The following TCF12 variants were observed in gnomAD, a reference collection of about 807,000 sequenced individuals.
The protein encoded by TCF12 is DNA-binding protein HTF4.
In TCF12, 45 loss-of-function variants were observed where a neutral mutation model predicts 86.0. That is an observed-to-expected ratio of 0.52 (90% CI 0.41 to 0.67). TCF12 has a LOEUF of 0.67. Among genes scored for constraint, TCF12 ranks in the 30% least tolerant of loss-of-function variants. TCF12 has a pLI of 0.00. For missense variants in TCF12, 881 were observed against 859.9 expected, an observed-to-expected ratio of 1.02 and a Z score of -0.31; for synonymous variants, 330 against 299.6, an observed-to-expected ratio of 1.10 and a Z score of -1.05.
rs553404833 is a variant in TCF12 at position 57,273,681 on chromosome 15, G to A, written c.1978+419G>A. ...TACTTTGGAGTATCTACCGTGCCCT[G>A]CTGGTTAATAGGATGCCTTGTTATC... On this transcript the variant is annotated intron_variant, in intron 19 of 20. Transcript: ENST00000333725. Among the ~76,000 whole-genome samples, 5 of 152,170 alleles carry A rather than the reference G, an allele frequency of 3.3e-5. No homozygotes were observed. The South Asian group carries it at 1.0e-3, about 32-fold the overall frequency.
intron 5 of TCF12, among the ~76,000 whole-genome samples, chr15:57,128,619 A>G (rs2051857335): frequency 2.0e-5 from 3 of 152,322 alleles, no homozygotes; most frequent in South Asian, 4.1e-4. Context: ...GAGTTGTGCA[A>G]CCATCACCAC....
intron 3 of TCF12, among the ~76,000 whole-genome samples, chr15:56,952,943 A>T (rs1186289381): frequency 6.6e-6 from 1 of 152,118 alleles, no homozygotes. Flanking sequence ...TAGATCTTAG[A>T]AAGCATTAGT....
intron 3 of TCF12, among the ~76,000 whole-genome samples, chr15:56,996,085 A>G: frequency 6.6e-6 from 1 of 152,186 alleles, no homozygotes; most frequent in East Asian, 1.9e-4. Flanking sequence ...GGTGAATCAC[A>G]TTTATTGATT....
chr15:56,987,360 C>T (rs2140936217), intron 3 of TCF12, among the ~76,000 whole-genome samples: 1 of 152,304 alleles, frequency 6.6e-6, no homozygotes. Context: ...GGTGATCCAC[C>T]TGCCTTGGCC....
Position 56,919,908 on chromosome 15 carries a change from C to T in TCF12, c.-6C>T, listed in dbSNP as rs377422859. The T allele has an allele frequency of 6.9e-5, 112 of 1,613,822 alleles. No individual in the cohort carries two copies. The highest frequency in any genetic ancestry group is 9.3e-5 in the Non-Finnish European group (110 of 1,179,950). On this transcript the variant is annotated 5_prime_UTR_variant, in exon 2 of 21. Transcript: ENST00000333725. Reference sequence around the variant, plus strand: ...CTGCCCTAGGACCTGCTAGAAGTGGCCGAAGATGAATCCCCAGCAACAACG... The same window carrying T: ...CTGCCCTAGGACCTGCTAGAAGTGGTCGAAGATGAATCCCCAGCAACAACG...
chr15:56,982,498 T>C (rs1317469079), intron 3 of TCF12, among the ~76,000 whole-genome samples: 2 of 152,196 alleles, frequency 1.3e-5, no homozygotes, highest in African/African-American at 4.8e-5. Context: ...CTGATAACTG[T>C]CTGCATCATT....
intron 5 of TCF12, among the ~76,000 whole-genome samples, chr15:57,104,831 T>TTC (rs1362428718): frequency 1.3e-5 from 2 of 151,650 alleles, no homozygotes; most frequent in Non-Finnish European, 2.9e-5. Flanking sequence ...CCCTCTCCTT[T>TTC]TCTCATCTAT....
At position 57,137,464 on chromosome 15, in the gene TCF12, A is replaced by G. The variant is rs534502584; in HGVS notation, c.326-28938A>G. Among the ~76,000 whole-genome samples the G allele has an allele frequency of 2.0e-5, 3 of 152,356 alleles. No homozygotes were observed. In the South Asian group the frequency reaches 6.2e-4, roughly 32 times the overall value. On this transcript the variant is annotated intron_variant, in intron 5 of 20. Coordinates refer to ENST00000333725, the MANE Select transcript of TCF12 (RefSeq NM_207037.2). ...TATTGAAAAATATGGTATTCAAACA[A>G]AATATTTTAGAAGTTACTCATCTAA...
At chr15:57,201,391 T>A (rs2057535575) in intron 8 of TCF12, among the ~76,000 whole-genome samples, 1 of 152,084 alleles carries the variant, frequency 6.6e-6, no homozygotes, top group Admixed American at 6.6e-5. Context: ...TTAAGTTGTG[T>A]CTGGAAAGAT....
At chr15:57,232,920 T>TTA (rs560027912) in intron 11 of TCF12, 64 bp downstream of exon 11, 456 of 1,155,096 alleles carry the variant, frequency 3.9e-4, no homozygotes, top group East Asian at 1.6e-3. Context: ...CCCGATATCT[T>TTA]TATATATATA....
intron 19 of TCF12, among the ~76,000 whole-genome samples, chr15:57,281,104 CTT>C (rs5812880): frequency 5.4e-4 from 72 of 133,938 alleles, no homozygotes; most frequent in Middle Eastern, 8.2e-3. Flanking sequence ...GCACCCTATT[CTT>C]TTTTTTTTTT....
intron 3 of TCF12, among the ~76,000 whole-genome samples, chr15:57,030,513 A>G (rs1326086326): frequency 6.6e-6 from 1 of 152,214 alleles, no homozygotes; most frequent in African/African-American, 2.4e-5. Context: ...ATTATAGGAA[A>G]GAGCCACTGT....
chr15:56,929,273 C>G (rs1429403019), intron 3 of TCF12, among the ~76,000 whole-genome samples: 2 of 151,988 alleles, frequency 1.3e-5, no homozygotes, highest in Admixed American at 6.6e-5. Context: ...TTTCTTGCTC[C>G]TATAGAAGCC....
chr15:57,230,291 G>A (rs542199645), intron 8 of TCF12, among the ~76,000 whole-genome samples: 1 of 151,974 alleles, frequency 6.6e-6, no homozygotes, highest in African/African-American at 2.4e-5. Context: ...GCTCATAATA[G>A]CTTACCTTTC....
At chr15:57,061,596 G>T (rs1055327834) in intron 3 of TCF12, among the ~76,000 whole-genome samples, 1 of 152,008 alleles carries the variant, frequency 6.6e-6, no homozygotes, top group African/African-American at 2.4e-5. Flanking sequence ...GAACATGAAC[G>T]CTGCCTCTAA....
intron 18 of TCF12, among the ~76,000 whole-genome samples, chr15:57,267,192 T>G (rs2060909831): frequency 6.6e-6 from 1 of 152,220 alleles, no homozygotes; most frequent in Admixed American, 6.5e-5. Context: ...GCAATGAGGA[T>G]GGTAGATAAA....
intron 3 of TCF12, among the ~76,000 whole-genome samples, chr15:57,014,396 T>A (rs373820440): frequency 2.0e-5 from 3 of 151,016 alleles, no homozygotes; most frequent in Admixed American, 2.0e-4. Flanking sequence ...TATTGTTGAG[T>A]GTTGGAGTGG....
intron 4 of TCF12, among the ~76,000 whole-genome samples, chr15:57,083,748 C>A (rs2048457952): frequency 6.6e-6 from 1 of 152,010 alleles, no homozygotes; most frequent in African/African-American, 2.4e-5. Flanking sequence ...CCATATCTGG[C>A]TGATTTTCTT....
intron 3 of TCF12, among the ~76,000 whole-genome samples, chr15:57,027,942 T>C (rs1353947846): frequency 6.6e-6 from 1 of 152,148 alleles, no homozygotes; most frequent in African/African-American, 2.4e-5. Flanking sequence ...CATGTGGAAC[T>C]GTGAGTCCAT....
Sources: allele counts gnomAD v4.1 joint callset (sites outside exome capture counted in the v4.1 genomes callset), GRCh38; gene constraint gnomAD v4.1.1; transcripts MANE v1.5; gene names NCBI Gene and HGNC (gene_info 2026-07-23, HGNC 2026-07-21).